Variants in ATP8A1 observed in about 807,000 individuals in gnomAD.
ATP8A1 encodes phospholipid-transporting ATPase IA.
In ATP8A1, 90 loss-of-function variants were observed where a neutral mutation model predicts 177.7. The ratio of observed to expected loss-of-function variants is 0.51; its 90% CI spans 0.43 to 0.60. The LOEUF is 0.60. Ranked by LOEUF, ATP8A1 falls within the 20% of genes least tolerant of loss-of-function variation. The pLI, the probability that ATP8A1 is intolerant of heterozygous loss-of-function variation, is 0.00. For synonymous variants in ATP8A1, 493 were observed against 485.9 expected (o/e 1.01, Z -0.19); for missense variants, 1,072 against 1,392.8 (o/e 0.77, Z 3.67).
chr4:42,582,493 C>CA (rs1733194533), intron 9 of ATP8A1, among the ~76,000 whole-genome samples: 1 of 141,936 alleles, frequency 7.0e-6, no homozygotes, highest in South Asian at 2.4e-4. Flanking sequence ...CACACACACC[C>CA]ACCCCCCACA....
chr4:42,644,778 G>C (rs1374861680), intron 1 of ATP8A1, among the ~76,000 whole-genome samples: 1 of 151,362 alleles, frequency 6.6e-6, no homozygotes, highest in Non-Finnish European at 1.5e-5. Flanking sequence ...AGCAATTAGG[G>C]AAGGCAGGTA....
chr4:42,517,516 G>A (rs1382481143), intron 22 of ATP8A1, among the ~76,000 whole-genome samples: 1 of 152,160 alleles, frequency 6.6e-6, no homozygotes, highest in Non-Finnish European at 1.5e-5. Flanking sequence ...AATGCCCAAT[G>A]TGAACCTGCA....
chr4:42,477,149 C>T (rs1290158707), intron 25 of ATP8A1, among the ~76,000 whole-genome samples: 1 of 152,092 alleles, frequency 6.6e-6, no homozygotes, highest in Non-Finnish European at 1.5e-5. Context: ...GTTACTGGCA[C>T]ACAGGGAGCA....
rs377395617 is a variant in ATP8A1 at position 42,446,566 on chromosome 4, C to T, written c.2958+17G>A. 56 of 1,611,414 alleles carry T rather than the reference C, an allele frequency of 3.5e-5. 1 individual carries two copies. Among genetic ancestry groups the T allele is most frequent in the East Asian group, 2.0e-4 (9 of 44,834 alleles). ...TTTTGATTTTACACGCAAACGAGAC[C>T]GACATCCCGCACTCACAGTGTACAC... is the stretch of plus-strand genomic sequence containing the variant. On this transcript the variant is annotated intron_variant, in intron 31 of 36. Transcript: ENST00000381668.
At chr4:42,554,160 C>G (rs1577573629) in intron 16 of ATP8A1, among the ~76,000 whole-genome samples, 2 of 152,202 alleles carry the variant, frequency 1.3e-5, no homozygotes, top group South Asian at 2.1e-4. Context: ...GCAACAATAA[C>G]TGGAGAAGAG....
At chr4:42,514,680 C>T (rs902339917) in intron 22 of ATP8A1, among the ~76,000 whole-genome samples, 1 of 152,090 alleles carries the variant, frequency 6.6e-6, no homozygotes, top group Non-Finnish European at 1.5e-5. Context: ...CACATTCTTG[C>T]TTTCTTCAAA....
intron 33 of ATP8A1, among the ~76,000 whole-genome samples, chr4:42,442,541 G>C (rs776170682): frequency 6.6e-6 from 1 of 152,174 alleles, no homozygotes; most frequent in Non-Finnish European, 1.5e-5. Flanking sequence ...ACTTTTTGTA[G>C]AAGGAAGTAT....
rs553215597 is a variant in ATP8A1 at position 42,642,942 on chromosome 4, G to T, written c.49+13883C>A. On this transcript the variant is annotated intron_variant, in intron 1 of 36. Transcript: ENST00000381668. ...ATCTGAACAGCCTGATCTTATCCCA[G>T]TCACTCACCAGATGCAGATTCAAAA... Among the ~76,000 whole-genome samples the T allele has an allele frequency of 9.2e-5, 14 of 152,278 alleles. No homozygotes were observed. The South Asian group carries it at 2.9e-3, about 32-fold the overall frequency.
chr4:42,540,698 C>T (rs939329185), intron 20 of ATP8A1, among the ~76,000 whole-genome samples: 2 of 151,526 alleles, frequency 1.3e-5, no homozygotes, highest in Admixed American at 6.6e-5. Context: ...ACAAACATTG[C>T]ATATTCTCAC....
chr4:42,612,306 T>C (rs1243765208), intron 5 of ATP8A1, among the ~76,000 whole-genome samples: 2 of 151,494 alleles, frequency 1.3e-5, no homozygotes, highest in East Asian at 3.9e-4. Context: ...GTTCATTTAC[T>C]CGTTCATTTA....
intron 20 of ATP8A1, among the ~76,000 whole-genome samples, chr4:42,533,475 A>C (rs1335549410): frequency 6.6e-6 from 1 of 152,054 alleles, no homozygotes; most frequent in Non-Finnish European, 1.5e-5. Context: ...CCGCACCCCC[A>C]TCCCCACAGC....
chr4:42,556,866 C>T (rs1052585929), intron 15 of ATP8A1, among the ~76,000 whole-genome samples: 1 of 152,102 alleles, frequency 6.6e-6, no homozygotes, highest in Non-Finnish European at 1.5e-5. Flanking sequence ...TCAGATTTCA[C>T]TGAGGGAAAA....
At chr4:42,651,285 A>T (rs954459252) in intron 1 of ATP8A1, among the ~76,000 whole-genome samples, 2 of 152,086 alleles carry the variant, frequency 1.3e-5, no homozygotes, top group Non-Finnish European at 2.9e-5. Flanking sequence ...GTACCAGAAG[A>T]GTGGGGTGCT....
intron 1 of ATP8A1, among the ~76,000 whole-genome samples, chr4:42,628,719 A>G (rs1008134862): frequency 1.3e-5 from 2 of 152,084 alleles, no homozygotes; most frequent in Non-Finnish European, 2.9e-5. Flanking sequence ...GAATAGAGGG[A>G]GATCAATCTT....
At chr4:42,581,764 T>C (rs1733103883) in intron 9 of ATP8A1, 32 bp from the exon 10 acceptor site, 4 of 1,501,866 alleles carry the variant, frequency 2.7e-6, no homozygotes, top group Non-Finnish European at 3.7e-6. Context: ...TTAGAAACAG[T>C]ATTTTCTAAA....
At chr4:42,482,216 C>A (rs1389369266) in intron 25 of ATP8A1, among the ~76,000 whole-genome samples, 3 of 151,474 alleles carry the variant, frequency 2.0e-5, no homozygotes, top group African/African-American at 7.3e-5. Context: ...GCACAAGAAT[C>A]GCTTGAACCC....
intron 18 of ATP8A1, among the ~76,000 whole-genome samples, chr4:42,549,604 T>C (rs1181752361): frequency 6.6e-6 from 1 of 151,834 alleles, no homozygotes; most frequent in Non-Finnish European, 1.5e-5. Flanking sequence ...GCCTTGGCAA[T>C]ATAGCAAGAC....
intron 22 of ATP8A1, among the ~76,000 whole-genome samples, chr4:42,512,317 T>C (rs1725088213): frequency 6.6e-6 from 1 of 152,202 alleles, no homozygotes; most frequent in South Asian, 2.1e-4. Flanking sequence ...TCTTCAATAA[T>C]ACTTCATTTC....
intron 22 of ATP8A1, among the ~76,000 whole-genome samples, chr4:42,507,729 CAAAAAAA>C (rs34269384): frequency 2.2e-4 from 2 of 8,908 alleles, no homozygotes; most frequent in Non-Finnish European, 5.1e-4. Flanking sequence ...GACTCCATCT[CAAAAAAA>C]AAAAAAAAAA....
Sources: gnomAD v4.1 joint callset for allele counts (sites outside exome capture counted in the v4.1 genomes callset) on GRCh38, gnomAD v4.1.1 for gene constraint, MANE v1.5 for transcripts, NCBI Gene and HGNC (gene_info 2026-07-23, HGNC 2026-07-21) for gene names.